Variants in TBC1D22A observed in about 807,000 individuals in gnomAD.
TBC1D22A encodes the protein TBC1 domain family member 22A.
A neutral mutation model predicts 60.2 loss-of-function variants in TBC1D22A; 38 were observed. That is an observed-to-expected ratio of 0.63 (90% confidence interval 0.49 to 0.83). The LOEUF (loss-of-function observed/expected upper bound fraction) is 0.83, where lower values mean the gene tolerates loss of function less well. Among genes scored for constraint, TBC1D22A ranks in the 40% least tolerant of loss-of-function variants. The pLI, the probability that TBC1D22A is intolerant of heterozygous loss-of-function variation, is 0.00. For missense variants in TBC1D22A, 628 were observed against 701.0 expected (o/e 0.90, Z 1.18); for synonymous variants, 302 against 281.7 (o/e 1.07, Z -0.72).
At chr22:46,833,484 TTCTTC>T (rs2086394870) in intron 4 of TBC1D22A, among the ~76,000 whole-genome samples, 1 of 152,204 alleles carries the variant, frequency 6.6e-6, no homozygotes, top group Non-Finnish European at 1.5e-5. Context: ...CCACGGCACA[TTCTTC>T]TACTGGGCTC....
At chr22:46,959,050 T>C (rs2073357475) in intron 8 of TBC1D22A, among the ~76,000 whole-genome samples, 2 of 152,288 alleles carry the variant, frequency 1.3e-5, no homozygotes, top group Admixed American at 6.5e-5. Flanking sequence ...GCTTCAGTTA[T>C]GAGAATGTGT....
At chr22:47,107,436 A>G (rs1252255144) in intron 11 of TBC1D22A, among the ~76,000 whole-genome samples, 1 of 152,226 alleles carries the variant, frequency 6.6e-6, no homozygotes, top group Non-Finnish European at 1.5e-5. Flanking sequence ...AGGGGAACCC[A>G]ACAACTACCA....
At chr22:47,081,923 C>T (rs749726418) in intron 11 of TBC1D22A, among the ~76,000 whole-genome samples, 2 of 152,240 alleles carry the variant, frequency 1.3e-5, no homozygotes, top group Non-Finnish European at 2.9e-5. Context: ...TTTGGGAGGC[C>T]GAGGCGGGTG....
chr22:46,770,529 C>T (rs1413188744), intron 1 of TBC1D22A, among the ~76,000 whole-genome samples: 4 of 152,172 alleles, frequency 2.6e-5, no homozygotes, highest in African/African-American at 4.8e-5. Flanking sequence ...GGCAGGTGGC[C>T]CAGCACCTCC....
At chr22:46,958,353 C>T (rs966596167) in intron 8 of TBC1D22A, among the ~76,000 whole-genome samples, 15 of 152,176 alleles carry the variant, frequency 9.9e-5, no homozygotes, top group Admixed American at 3.9e-4. Flanking sequence ...TTCACGTCTC[C>T]CTGTGGCTGG....
chr22:46,855,225 T>C (rs1289107471), intron 4 of TBC1D22A, among the ~76,000 whole-genome samples: 1 of 152,234 alleles, frequency 6.6e-6, no homozygotes, highest in African/African-American at 2.4e-5. Flanking sequence ...GTGTCTGCTT[T>C]GGATGATACA....
chr22:46,993,604 G>C (rs1410981353), intron 9 of TBC1D22A, among the ~76,000 whole-genome samples: 1 of 152,196 alleles, frequency 6.6e-6, no homozygotes, highest in Non-Finnish European at 1.5e-5. Flanking sequence ...GGGCTGGGGT[G>C]TCCCGAGGGC....
At chr22:46,895,785 T>C (rs1419482133) in intron 7 of TBC1D22A, among the ~76,000 whole-genome samples, 1 of 152,228 alleles carries the variant, frequency 6.6e-6, no homozygotes, top group Non-Finnish European at 1.5e-5. Flanking sequence ...ATTTGGGTTG[T>C]TTCTGATGTT....
intron 1 of TBC1D22A, among the ~76,000 whole-genome samples, chr22:46,779,474 G>A (rs992883390): frequency 6.6e-6 from 1 of 152,052 alleles, no homozygotes; most frequent in African/African-American, 2.4e-5. Context: ...GGCCAGGCTG[G>A]TCTCGAACTC....
intron 11 of TBC1D22A, among the ~76,000 whole-genome samples, chr22:47,073,091 G>A (rs2064068928): frequency 6.6e-6 from 1 of 152,164 alleles, no homozygotes; most frequent in Non-Finnish European, 1.5e-5. Context: ...ATTTAATACT[G>A]CCATAAAAAT....
chr22:47,021,987 C>A (rs1436557042), intron 10 of TBC1D22A, among the ~76,000 whole-genome samples: 1 of 152,142 alleles, frequency 6.6e-6, no homozygotes, highest in Non-Finnish European at 1.5e-5. Flanking sequence ...CAGAAGGGTC[C>A]CACCACCCCT....
chr22:47,153,456 C>T (rs781571975), intron 12 of TBC1D22A, among the ~76,000 whole-genome samples: 15 of 151,492 alleles, frequency 9.9e-5, no homozygotes, highest in East Asian at 7.8e-4. Flanking sequence ...ACAGCATGGG[C>T]GGTGACCCAG....
At chr22:47,054,458 C>G (rs2063322721) in intron 11 of TBC1D22A, among the ~76,000 whole-genome samples, 1 of 152,214 alleles carries the variant, frequency 6.6e-6, no homozygotes, top group South Asian at 2.1e-4. Context: ...CCACTCTGCC[C>G]TGCTTCCTGC....
At chr22:46,974,670 C>G (rs1405548452) in intron 9 of TBC1D22A, among the ~76,000 whole-genome samples, 1 of 152,228 alleles carries the variant, frequency 6.6e-6, no homozygotes, top group African/African-American at 2.4e-5. Flanking sequence ...TGCCTGCAGA[C>G]TGTAGCCACC....
intron 8 of TBC1D22A, among the ~76,000 whole-genome samples, chr22:46,929,869 C>G (rs546197509): frequency 1.3e-5 from 2 of 152,124 alleles, no homozygotes; most frequent in East Asian, 3.9e-4. Flanking sequence ...GTCCCCTGGA[C>G]CTGGTGTGCT....
chr22:47,134,485 A>G (rs1388099839), intron 12 of TBC1D22A, among the ~76,000 whole-genome samples: 1 of 152,256 alleles, frequency 6.6e-6, no homozygotes, highest in Non-Finnish European at 1.5e-5. Flanking sequence ...GGCCTCACTC[A>G]GGGCTGGATC....
chr22:46,885,486 C>T (rs992637767), intron 5 of TBC1D22A, among the ~76,000 whole-genome samples: 2 of 152,272 alleles, frequency 1.3e-5, no homozygotes, highest in South Asian at 2.1e-4. Flanking sequence ...TTCCTTAGTT[C>T]ACCTGCGGGT....
chr22:47,029,493 C>T lies in TBC1D22A; in HGVS notation c.1202-7578C>T, dbSNP rs577082523. Among the ~76,000 whole-genome samples the T allele has an allele frequency of 6.6e-5, 10 of 152,344 alleles. No individual in the cohort carries two copies. In the East Asian group the frequency reaches 1.9e-3, roughly 29 times the overall value. On this transcript the variant is annotated intron_variant, in intron 10 of 12. Coordinates refer to ENST00000337137, the MANE Select transcript of TBC1D22A (RefSeq NM_014346.5). ...TGATGGAGCTCAGTGCCCAACCTCC[C>T]TCCTCTTCCCTCCCTTCCCTTCACC...
In TBC1D22A at chr22:46,975,126, C is replaced by T. The variant is rs1474430695; in HGVS notation, c.1125+727C>T. Among the ~76,000 whole-genome samples the T allele has an allele frequency of 3.3e-5, 5 of 152,100 alleles. No individual in the cohort carries two copies. The East Asian group carries it at 7.7e-4, about 23-fold the overall frequency. ...AACAGCTGAGGGGGATGGATGGGCCCTGGAGTGGGTGTGGGCGTCTTAGTT... is the reference window on the plus strand; with the variant it reads ...AACAGCTGAGGGGGATGGATGGGCCTTGGAGTGGGTGTGGGCGTCTTAGTT... On this transcript the variant is annotated intron_variant, in intron 9 of 12. Coordinates refer to ENST00000337137, the MANE Select transcript of TBC1D22A (RefSeq NM_014346.5).
Sources: allele counts gnomAD v4.1 joint callset (sites outside exome capture counted in the v4.1 genomes callset), GRCh38; gene constraint gnomAD v4.1.1; transcripts MANE v1.5; gene names NCBI Gene and HGNC (gene_info 2026-07-23, HGNC 2026-07-21).